RPS6KA5: variants seen among roughly 807,000 people sequenced by gnomAD.
RPS6KA5 encodes the protein ribosomal protein S6 kinase A5.
A neutral mutation model predicts 85.5 loss-of-function variants in RPS6KA5; 27 were observed. That is an observed-to-expected ratio of 0.32 (90% CI 0.23 to 0.44). The LOEUF (loss-of-function observed/expected upper bound fraction) is 0.44. Ranked by LOEUF, RPS6KA5 falls within the 20% of genes least tolerant of loss-of-function variation. The probability of loss-of-function intolerance (pLI) is 1.00; values close to 1 mark genes in which losing one functional copy is unlikely to be tolerated. For missense variants in RPS6KA5, 811 were observed against 980.9 expected (o/e 0.83, Z 2.31); for synonymous variants, 334 against 348.2 (o/e 0.96, Z 0.46).
In RPS6KA5 at chr14:90,943,163, A is replaced by G. The variant is rs755783181; in HGVS notation, c.533T>C (p.Ile178Thr). 4.6e-5 allele frequency: 73 copies of G among 1,597,544 alleles called. 1 individual carries two copies. In the South Asian group the frequency reaches 6.7e-4, roughly 15 times the overall value. Reference protein sequence around the residue: ...LHKLGIIYRDIKLENILLDSN... With the variant: ...LHKLGIIYRDTKLENILLDSN... ...ATCAAGTAGAATATTCTCAAGCTTAATATCACGATATATAATCCCCAACTG... is the reference window on the plus strand; with the variant it reads ...ATCAAGTAGAATATTCTCAAGCTTAGTATCACGATATATAATCCCCAACTG... Residue 178 changes from isoleucine to threonine, a missense_variant, in exon 5 of 17, where the codon ATT becomes ACT. Ile to Thr is a moderately conservative substitution (Grantham distance 89, BLOSUM62 -1). Transcript: ENST00000614987.
chr14:90,925,467 T>G (rs770147821), intron 5 of RPS6KA5, among the ~76,000 whole-genome samples: 1 of 152,132 alleles, frequency 6.6e-6, no homozygotes. Context: ...CTTCTTAGAT[T>G]TGAGATCTGA....
Position 90,854,965 on chromosome 14 carries a change from T to C in RPS6KA5, c.*17109A>G, listed in dbSNP as rs949366548. The C allele has an allele frequency of 6.6e-6, 1 of 152,244 alleles. No homozygotes were observed. The highest frequency in any genetic ancestry group is 2.4e-5 in the African/African-American group (1 of 41,472). The allele number at this position is 152,244 out of a possible 1,614,324, so 9.4% of individuals were successfully genotyped here. A position where few individuals can be genotyped will look rare whatever the true frequency, so the allele number is the denominator to read the frequency against. On this transcript the variant is annotated 3_prime_UTR_variant, in exon 17 of 17. Transcript: ENST00000614987. ...CACTCTGCAGTTAGAAACAATCTTA[T>C]TTACATTTTCTATAAAAGTATTTTG...
chr14:91,003,481 T>G (rs2040872067), intron 1 of RPS6KA5, among the ~76,000 whole-genome samples: 1 of 152,322 alleles, frequency 6.6e-6, no homozygotes, highest in African/African-American at 2.4e-5. Context: ...CTACTACCTC[T>G]ATTATTTTGT....
At chr14:90,926,112 CTT>C (rs1346911898) in intron 5 of RPS6KA5, among the ~76,000 whole-genome samples, 2 of 151,956 alleles carry the variant, frequency 1.3e-5, no homozygotes, top group African/African-American at 4.8e-5. Flanking sequence ...CTTCTCAAGA[CTT>C]AGTAAAATTG....
At chr14:90,983,847 T>TTTCTTTC (rs1566826341) in intron 2 of RPS6KA5, among the ~76,000 whole-genome samples, 1 of 128,194 alleles carries the variant, frequency 7.8e-6, no homozygotes, top group Non-Finnish European at 1.6e-5. Context: ...CTCTTTCTTT[T>TTTCTTTC]TTTCTTTCTT....
chr14:91,049,558 T>TGAGCTGAGAGCTCGCCAC (rs1177637884), intron 1 of RPS6KA5, among the ~76,000 whole-genome samples: 3 of 152,068 alleles, frequency 2.0e-5, no homozygotes, highest in Non-Finnish European at 4.4e-5. Context: ...GAGCTTGCCG[T>TGAGCTGAGAGCTCGCCAC]GAGCTGAGAG....
chr14:90,877,681 G>C (rs148093326), intron 14 of RPS6KA5, among the ~76,000 whole-genome samples: 19 of 152,180 alleles, frequency 1.2e-4, no homozygotes, highest in African/African-American at 4.1e-4. Flanking sequence ...TCCACATGCT[G>C]TTTGGTCTCC....
At chr14:91,025,173 T>C (rs1762732347) in intron 1 of RPS6KA5, among the ~76,000 whole-genome samples, 1 of 152,010 alleles carries the variant, frequency 6.6e-6, no homozygotes. Flanking sequence ...GCCCCCCGAG[T>C]AGCTGGGACT....
chr14:90,882,203 A>G (rs1261801937), intron 14 of RPS6KA5, among the ~76,000 whole-genome samples: 1 of 152,180 alleles, frequency 6.6e-6, no homozygotes, highest in Non-Finnish European at 1.5e-5. Flanking sequence ...TCCTAAAGTT[A>G]TAACACTCTA....
rs1024744932 is a variant in RPS6KA5, at chr14:91,054,215, G to C, written c.103+6117C>G. On this transcript the variant is annotated intron_variant, in intron 1 of 16. Coordinates refer to ENST00000614987, the MANE Select transcript of RPS6KA5 (RefSeq NM_004755.4). ...CTTAAAATGGATCAATGATCTAAAT[G>C]TAACAGCTAAAGCCATAAACTCTTA... is the stretch of plus-strand genomic sequence containing the variant. Among the ~76,000 whole-genome samples the C allele has an allele frequency of 7.9e-5, 12 of 151,994 alleles. No homozygotes were observed. The South Asian group carries it at 2.5e-3, about 31-fold the overall frequency.
At chr14:90,934,513 T>C (rs1179566656) in intron 5 of RPS6KA5, among the ~76,000 whole-genome samples, 1 of 152,228 alleles carries the variant, frequency 6.6e-6, no homozygotes, top group Admixed American at 6.5e-5. Context: ...CTGTGACTGC[T>C]AAATATAGTT....
intron 14 of RPS6KA5, among the ~76,000 whole-genome samples, chr14:90,887,153 C>G (rs1369320713): frequency 6.6e-6 from 1 of 151,988 alleles, no homozygotes; most frequent in Admixed American, 6.6e-5. Flanking sequence ...TCATTTTCAT[C>G]TGTATTTTAT....
chr14:91,001,617 G>A (rs1160873674), intron 1 of RPS6KA5, among the ~76,000 whole-genome samples: 2 of 152,068 alleles, frequency 1.3e-5, no homozygotes, highest in South Asian at 2.1e-4. Context: ...ACCTGGACAC[G>A]ATATAGTATG....
At position 90,868,155 on chromosome 14, in the gene RPS6KA5, T is replaced by C. The variant is rs1446013922; in HGVS notation, c.*3919A>G. On this transcript the variant is annotated 3_prime_UTR_variant, in exon 17 of 17. Coordinates refer to ENST00000614987, the MANE Select transcript of RPS6KA5 (RefSeq NM_004755.4). ...CTTAACAAAACAGGGAATAAAACCT[T>C]TAATGTTGGCTGTAGCAGTTATTTT... 2 of 152,220 alleles carry C rather than the reference T, an allele frequency of 1.3e-5. No homozygotes were observed. Among genetic ancestry groups the C allele is most frequent in the African/African-American group, 2.4e-5 (1 of 41,458 alleles). The allele number at this position is 152,220 out of a possible 1,614,324, so 9.4% of individuals were successfully genotyped here.
At chr14:90,999,640 G>A (rs1472744767) in intron 2 of RPS6KA5, among the ~76,000 whole-genome samples, 1 of 152,192 alleles carries the variant, frequency 6.6e-6, no homozygotes, top group East Asian at 1.9e-4. Context: ...AACTGAGTAG[G>A]AAACATACAC....
In RPS6KA5 at chr14:90,869,925, T is replaced by C. The variant is rs1256183082; in HGVS notation, c.*2149A>G. On this transcript the variant is annotated 3_prime_UTR_variant, in exon 17 of 17. Transcript: ENST00000614987. ...TCATCAGTTGACAGCTAGCCTATCT[T>C]TCCTTCTTCCTGTTAGTCTGACTGC... is the stretch of plus-strand genomic sequence containing the variant. The C allele has an allele frequency of 6.6e-6, 1 of 152,218 alleles. No individual in the cohort carries two copies. The highest frequency in any genetic ancestry group is 2.4e-5 in the African/African-American group (1 of 41,466). 9.4% of individuals were successfully genotyped at this position (152,218 alleles called of 1,614,324 possible).
chr14:90,983,562 T>C (rs2039900835), intron 2 of RPS6KA5, among the ~76,000 whole-genome samples: 2 of 148,416 alleles, frequency 1.3e-5, no homozygotes, highest in South Asian at 4.3e-4. Flanking sequence ...ATCGTGCCAC[T>C]TGCACTCCAG....
rs1465989905 is a variant in RPS6KA5 at position 90,863,326 on chromosome 14, A to AAAG, written c.*8747_*8748insCTT. 4.2e-5 allele frequency: 6 copies of AAAG among 141,500 alleles called. No homozygotes were observed. Among genetic ancestry groups the AAAG allele is most frequent in the African/African-American group, 1.7e-4 (6 of 35,484 alleles). The allele number at this position is 141,500 out of a possible 1,614,324, so 8.8% of individuals were successfully genotyped here. The stretch of plus-strand genomic sequence containing the variant: ...TCAAAAAAAAAAAAAAAAAAAAAAA[A>AAAG]AAAAGAAAAGAAAAGAAAAAAATAT... On this transcript the variant is annotated 3_prime_UTR_variant, in exon 17 of 17. Transcript: ENST00000614987.
intron 3 of RPS6KA5, among the ~76,000 whole-genome samples, chr14:90,948,586 T>C (rs1486806687): frequency 6.6e-6 from 1 of 151,904 alleles, no homozygotes; most frequent in African/African-American, 2.4e-5. Context: ...TCCCAGCTAC[T>C]TGAGAGGCTG....
Sources: gnomAD v4.1 joint callset for allele counts (sites outside exome capture counted in the v4.1 genomes callset) on GRCh38, gnomAD v4.1.1 for gene constraint, MANE v1.5 for transcripts, NCBI Gene and HGNC (gene_info 2026-07-23, HGNC 2026-07-21) for gene names.